Variants in FHOD3 observed in about 807,000 individuals in gnomAD.
FHOD3 encodes FH1/FH2 domain-containing protein 3.
A neutral mutation model predicts 173.0 loss-of-function variants in FHOD3; 90 were observed. That is an observed-to-expected ratio of 0.52 (90% CI 0.44 to 0.62). The LOEUF is 0.62. Among genes scored for constraint, FHOD3 ranks in the 20% least tolerant of loss-of-function variants. The probability of loss-of-function intolerance (pLI) is 0.00; values close to 1 mark genes in which losing one functional copy is unlikely to be tolerated. For missense variants in FHOD3, 1,945 were observed against 2,034.7 expected (o/e 0.96, Z 0.85); for synonymous variants, 828 against 823.0 (o/e 1.01, Z -0.10).
chr18:36,397,562 G>A (rs1023312319), intron 3 of FHOD3, among the ~76,000 whole-genome samples: 1 of 152,078 alleles, frequency 6.6e-6, no homozygotes, highest in Non-Finnish European at 1.5e-5. Flanking sequence ...CCCATTATTT[G>A]TTATATTTTA....
intron 1 of FHOD3, among the ~76,000 whole-genome samples, chr18:36,348,082 T>A (rs1375214487): frequency 2.0e-5 from 3 of 152,176 alleles, no homozygotes; most frequent in Admixed American, 2.0e-4. Context: ...AACCGAGTTT[T>A]GTGTTGGTTT....
intron 18 of FHOD3, among the ~76,000 whole-genome samples, chr18:36,713,090 T>C (rs2040259922): frequency 6.6e-6 from 1 of 152,168 alleles, no homozygotes; most frequent in Non-Finnish European, 1.5e-5. Context: ...AGTGGGTCCC[T>C]AACAGACCTA....
chr18:36,461,493 C>T (rs904478111), intron 3 of FHOD3, among the ~76,000 whole-genome samples: 1 of 151,682 alleles, frequency 6.6e-6, no homozygotes, highest in Non-Finnish European at 1.5e-5. Flanking sequence ...TGAATTTACC[C>T]TCTTTGCCCT....
At chr18:36,380,834 A>T (rs1226329394) in intron 3 of FHOD3, among the ~76,000 whole-genome samples, 1 of 152,116 alleles carries the variant, frequency 6.6e-6, no homozygotes, top group African/African-American at 2.4e-5. Flanking sequence ...CATGAGCCCC[A>T]TTCACTGACT....
chr18:36,602,732 G>A lies in FHOD3; in HGVS notation c.777G>A (p.Thr259=), dbSNP rs373089170. Residue 259 remains threonine, a synonymous_variant, in exon 8 of 29, where the codon ACG becomes ACA. Coordinates refer to ENST00000590592, the MANE Select transcript of FHOD3 (RefSeq NM_001281740.3). ...TGGAGGAAAAAGATGGAGTTGATAC[G>A]GAGCTACTGGTTTATGCAATGACTT... ...EILEEKDGVD[T]ELLVYAMTLV... is the part of the protein sequence containing the mutation. The A allele has an allele frequency of 1.4e-4, 220 of 1,613,996 alleles. No individual in the cohort carries two copies. Among genetic ancestry groups the A allele is most frequent in the Middle Eastern group, 3.3e-4 (2 of 6,084 alleles).
intron 1 of FHOD3, among the ~76,000 whole-genome samples, chr18:36,345,964 A>AATGCACAGG (rs2045862080): frequency 1.3e-5 from 2 of 152,224 alleles, no homozygotes; most frequent in Non-Finnish European, 2.9e-5. Context: ...ATCTTTCGGC[A>AATGCACAGG]TGCCAATGCA....
intron 4 of FHOD3, among the ~76,000 whole-genome samples, chr18:36,508,749 T>C (rs1050689425): frequency 3.9e-5 from 6 of 152,210 alleles, no homozygotes; most frequent in African/African-American, 1.2e-4. Context: ...TTGTCACTTA[T>C]GAACTTTAGG....
At chr18:36,499,976 T>C (rs2054944253) in intron 3 of FHOD3, among the ~76,000 whole-genome samples, 1 of 152,178 alleles carries the variant, frequency 6.6e-6, no homozygotes, top group African/African-American at 2.4e-5. Flanking sequence ...ACCCCCACCC[T>C]ACAGTATCTT....
intron 3 of FHOD3, among the ~76,000 whole-genome samples, chr18:36,454,176 C>T (rs2052026912): frequency 6.6e-6 from 1 of 152,068 alleles, no homozygotes; most frequent in South Asian, 2.1e-4. Context: ...CTGAGGTCGA[C>T]CCTCACATTG....
At chr18:36,397,132 C>A (rs886489639) in intron 3 of FHOD3, among the ~76,000 whole-genome samples, 9 of 152,326 alleles carry the variant, frequency 5.9e-5, no homozygotes, top group Non-Finnish European at 1.0e-4. Context: ...TTAGTCCAAA[C>A]CATGGGACCA....
chr18:36,755,114 TGCAGA>T lies in FHOD3; in HGVS notation c.4233-4_4233del. 6.4e-7 allele frequency: 1 copy of T among 1,555,658 alleles called. No homozygotes were observed. The highest frequency in any genetic ancestry group is 1.4e-5 in the African/African-American group (1 of 72,652). On this transcript the variant is annotated splice_acceptor_variant and splice_polypyrimidine_tract_variant and coding_sequence_variant and intron_variant, in exon 25 of 29. Transcript: ENST00000590592. LOFTEE classifies it high-confidence loss of function. ...GTCATTGCTATTACTGTTTTTTCCTTGCAGATTCCACTCCTTTTTACTCTTTATGG... is the reference window on the plus strand; with the variant it reads ...GTCATTGCTATTACTGTTTTTTCCTTTTCCACTCCTTTTTACTCTTTATGG...
chr18:36,556,630 C>T (rs2057898009), intron 5 of FHOD3, among the ~76,000 whole-genome samples: 1 of 152,082 alleles, frequency 6.6e-6, no homozygotes, highest in Admixed American at 6.6e-5. Context: ...TGTTGTCATA[C>T]CTCTTATATT....
chr18:36,445,107 T>C (rs961078879), intron 3 of FHOD3, among the ~76,000 whole-genome samples: 2 of 152,178 alleles, frequency 1.3e-5, no homozygotes, highest in Non-Finnish European at 2.9e-5. Flanking sequence ...CAGTTAGTGG[T>C]TGTAGAGATG....
At chr18:36,507,473 G>A (rs1023480263) in intron 4 of FHOD3, among the ~76,000 whole-genome samples, 2 of 152,082 alleles carry the variant, frequency 1.3e-5, no homozygotes, top group Admixed American at 1.3e-4. Context: ...TTTGGATAAG[G>A]GATACTCAAA....
At chr18:36,550,582 T>C (rs2057611192) in intron 5 of FHOD3, among the ~76,000 whole-genome samples, 1 of 152,152 alleles carries the variant, frequency 6.6e-6, no homozygotes, top group Non-Finnish European at 1.5e-5. Context: ...ATCTATGACA[T>C]GATATATCTC....
Position 36,576,528 on chromosome 18 carries a change from A to G in FHOD3, c.589A>G (p.Thr197Ala). 1 of 1,613,216 alleles carries G rather than the reference A, an allele frequency of 6.2e-7. No homozygotes were observed. The highest frequency in any genetic ancestry group is 8.5e-7 in the Non-Finnish European group (1 of 1,179,580). Residue 197 changes from threonine (T) to alanine (A), a missense_variant, in exon 6 of 29, where the codon ACT becomes GCT. Thr to Ala is a moderately conservative substitution (Grantham distance 58). Around this residue, in one of 5 missense-constraint regions of FHOD3, gnomAD observed 245 missense variants for 267.7 expected, o/e 0.92. Transcript: ENST00000590592. ...CAATGAAACCATTCAGTGGCTGTAC[A>G]CTCTCATTGGGTCAAAGGTAAGGGG... is the stretch of plus-strand genomic sequence containing the variant. ...NRNETIQWLY[T>A]LIGSKFRLVV...
At chr18:36,570,314 T>TA (rs922148158) in intron 5 of FHOD3, among the ~76,000 whole-genome samples, 13 of 152,168 alleles carry the variant, frequency 8.5e-5, no homozygotes, top group African/African-American at 3.1e-4. Context: ...ATCATTTCCT[T>TA]AAAAACCACA....
chr18:36,404,542 C>A lies in FHOD3; in HGVS notation c.337+31798C>A, dbSNP rs140672707. ...TGCTAGGTTCCAAATGCCTGCAGGG[C>A]AGATTTTCAAATGCCAGTGTGCAGA... On this transcript the variant is annotated intron_variant, in intron 3 of 28. Coordinates refer to ENST00000590592, the MANE Select transcript of FHOD3 (RefSeq NM_001281740.3). Among the ~76,000 whole-genome samples the A allele has an allele frequency of 4.3e-4, 66 of 152,302 alleles. 1 individual carries two copies. In the East Asian group the frequency reaches 0.012, roughly 27 times the overall value.
intron 9 of FHOD3, among the ~76,000 whole-genome samples, chr18:36,621,379 C>A (rs1317468160): frequency 6.6e-6 from 1 of 152,168 alleles, no homozygotes; most frequent in African/African-American, 2.4e-5. Flanking sequence ...TGGTGTAAAA[C>A]AACAATCCCT....
Sources: gnomAD v4.1 joint callset for allele counts (sites outside exome capture counted in the v4.1 genomes callset) on GRCh38, gnomAD v4.1.1 for gene constraint, gnomAD v4.1.1 regional missense constraint, MANE v1.5 for transcripts, NCBI Gene and HGNC (gene_info 2026-07-23, HGNC 2026-07-21) for gene names.